The following CCDC171 variants were observed in gnomAD, a reference collection of about 807,000 sequenced individuals.
CCDC171 encodes the protein coiled-coil domain-containing protein 171.
Under a neutral mutation model 168.2 loss-of-function variants are expected in CCDC171, and 177 were observed. The observed-to-expected ratio is 1.05, with a 90% CI of 0.93 to 1.19. The LOEUF (loss-of-function observed/expected upper bound fraction) is 1.19, where lower values mean the gene tolerates loss of function less well. Ranked by LOEUF, CCDC171 falls within the 50% of genes most tolerant of loss-of-function variation. The pLI, the probability that CCDC171 is intolerant of heterozygous loss-of-function variation, is 0.00. For missense variants in CCDC171, 1,991 were observed against 1,539.0 expected (o/e 1.29, Z -4.91); for synonymous variants, 687 against 540.8 (o/e 1.27, Z -3.75).
chr9:15,792,087 C>T (rs996917078), intron 21 of CCDC171, among the ~76,000 whole-genome samples: 6 of 152,090 alleles, frequency 3.9e-5, no homozygotes, highest in East Asian at 1.9e-4. Flanking sequence ...AAAGGTTAGA[C>T]GAATGGCTAA....
intron 21 of CCDC171, among the ~76,000 whole-genome samples, chr9:15,834,836 A>G (rs2060373442): frequency 6.6e-6 from 1 of 152,236 alleles, no homozygotes; most frequent in Non-Finnish European, 1.5e-5. Flanking sequence ...ACTATGATAG[A>G]TGAAACAGGA....
intron 1 of CCDC171, among the ~76,000 whole-genome samples, chr9:15,559,214 T>G (rs889609702): frequency 3.3e-5 from 5 of 152,070 alleles, no homozygotes; most frequent in Non-Finnish European, 7.4e-5. Context: ...ATTCTGTTGA[T>G]TTGGGGTGGA....
the CCDC171 span, among the ~76,000 whole-genome samples, chr9:16,077,444 C>A: frequency 1.3e-5 from 2 of 152,174 alleles, no homozygotes; most frequent in Non-Finnish European, 2.9e-5. Context: ...TTCCCTACTC[C>A]TTGACTTTAG....
rs143279568 is a variant in CCDC171, at chr9:15,623,295, A to C, written c.704A>C (p.His235Pro). Residue 235 changes from histidine (H) to proline (P), a missense_variant, in exon 7 of 26, where the codon CAT (histidine) becomes CCT (proline). Coordinates refer to ENST00000380701, the MANE Select transcript of CCDC171 (RefSeq NM_173550.4). ...CAAGATACTGCTGTGCAAAATATGC[A>C]TAAGAAAGTAGAAAAATTAGAAACA... Reference protein sequence around the residue: ...QEQDTAVQNMHKKVEKLETEH... With the variant: ...QEQDTAVQNMPKKVEKLETEH... 1.3e-6 allele frequency: 2 copies of C among 1,598,130 alleles called. No individual in the cohort carries two copies. The highest frequency in any genetic ancestry group is 1.7e-6 in the Non-Finnish European group (2 of 1,171,552).
rs1297650464 is a variant in CCDC171 at position 15,922,235 on chromosome 9, T to C, written c.3753+1813T>C. Reference sequence around the variant, plus strand: ...TTTAGGAGAATGCTGCCCAATTCCATGTCTTGACAGGATGTGTGCTCTCCT... The same window carrying C: ...TTTAGGAGAATGCTGCCCAATTCCACGTCTTGACAGGATGTGTGCTCTCCT... On this transcript the variant is annotated intron_variant, in intron 25 of 25. Coordinates refer to ENST00000380701, the MANE Select transcript of CCDC171 (RefSeq NM_173550.4). 8 of 342,944 alleles carry C rather than the reference T, an allele frequency of 2.3e-5. No individual in the cohort carries two copies. In the East Asian group the frequency reaches 6.2e-4, roughly 27 times the overall value. The allele number at this position is 342,944 out of a possible 1,614,324, so 21.2% of individuals were successfully genotyped here. A position where few individuals can be genotyped will look rare whatever the true frequency, so the allele number is the denominator to read the frequency against.
intron 9 of CCDC171, among the ~76,000 whole-genome samples, chr9:15,673,809 C>CT: frequency 6.6e-6 from 1 of 152,062 alleles, no homozygotes; most frequent in Non-Finnish European, 1.5e-5. Context: ...CTAAAATTCT[C>CT]TTTTTTTGTT....
chr9:15,969,805 A>G (rs989020802), intron 25 of CCDC171, among the ~76,000 whole-genome samples: 4 of 152,174 alleles, frequency 2.6e-5, no homozygotes, highest in Non-Finnish European at 4.4e-5. Context: ...ATAGCTGCAA[A>G]GTCAATCCAG....
At chr9:15,884,299 A>C (rs1819095202) in intron 24 of CCDC171, among the ~76,000 whole-genome samples, 1 of 152,168 alleles carries the variant, frequency 6.6e-6, no homozygotes, top group Non-Finnish European at 1.5e-5. Flanking sequence ...GAAAGAACTT[A>C]GAAAATTAAA....
At chr9:15,872,458 G>C (rs890586941) in intron 23 of CCDC171, among the ~76,000 whole-genome samples, 1 of 151,958 alleles carries the variant, frequency 6.6e-6, no homozygotes, top group Non-Finnish European at 1.5e-5. Context: ...TCCAGTGCTC[G>C]AACTGTGTTG....
rs200445703 is a variant in CCDC171, at chr9:15,597,068, T to A, written c.675+2896T>A. On this transcript the variant is annotated intron_variant, in intron 6 of 25. Coordinates refer to ENST00000380701, the MANE Select transcript of CCDC171 (RefSeq NM_173550.4). ...GGGCTGAGACGATGGGGTTTTCTAG[T>A]TATACAATCATGTCATCTGCAAACA... is the stretch of plus-strand genomic sequence containing the variant. Among the ~76,000 whole-genome samples, 142 of 152,098 alleles carry A rather than the reference T, an allele frequency of 9.3e-4. 1 individual carries two copies. The highest frequency in any genetic ancestry group is 2.9e-3 in the African/African-American group (120 of 41,504).
At position 15,678,851 on chromosome 9, in the gene CCDC171, G is replaced by A; in HGVS notation, c.1170G>A (p.Gln390=). 1 of 1,594,128 alleles carries A rather than the reference G, an allele frequency of 6.3e-7. No individual in the cohort carries two copies. The highest frequency in any genetic ancestry group is 8.5e-7 in the Non-Finnish European group (1 of 1,172,428). ...KVIIDLSKRL[Q]YNEKSCSELQ... Reference sequence around the variant, plus strand: ...TTATAGACCTTTCAAAGAGACTCCAGTATAATGAAAAAAGTTGCAGTGAAT... The same window carrying A: ...TTATAGACCTTTCAAAGAGACTCCAATATAATGAAAAAAGTTGCAGTGAAT... Residue 390 remains glutamine (Q), a synonymous_variant, in exon 10 of 26, where the codon CAG becomes CAA. Transcript: ENST00000380701.
chr9:15,782,136 C>T (rs1335547005), intron 20 of CCDC171, among the ~76,000 whole-genome samples: 1 of 152,178 alleles, frequency 6.6e-6, no homozygotes, highest in African/African-American at 2.4e-5. Context: ...AACCATTTGT[C>T]TCTCGCTCAT....
chr9:15,558,078 G>T (rs1325527092), intron 1 of CCDC171, among the ~76,000 whole-genome samples: 1 of 152,146 alleles, frequency 6.6e-6, no homozygotes, highest in Non-Finnish European at 1.5e-5. Flanking sequence ...TTCCATCCCA[G>T]GGATGAAGCC....
intron 10 of CCDC171, among the ~76,000 whole-genome samples, chr9:15,687,697 A>G (rs545287755): frequency 6.6e-6 from 1 of 152,374 alleles, no homozygotes; most frequent in Admixed American, 6.5e-5. Flanking sequence ...AAAGGGGGAT[A>G]TAACTACTGA....
chr9:16,093,070 T>G, the CCDC171 span, among the ~76,000 whole-genome samples: 1 of 152,184 alleles, frequency 6.6e-6, no homozygotes, highest in Non-Finnish European at 1.5e-5. Context: ...CGGTTTCATT[T>G]TCAAAGCAGG....
intron 23 of CCDC171, among the ~76,000 whole-genome samples, chr9:15,871,812 T>G (rs1433932930): frequency 6.6e-6 from 1 of 151,958 alleles, no homozygotes; most frequent in Non-Finnish European, 1.5e-5. Context: ...CCGTTTCTTG[T>G]CATCTTTCTT....
chr9:15,685,446 G>A (rs112394978), intron 10 of CCDC171, among the ~76,000 whole-genome samples: 3,925 of 152,048 alleles, frequency 0.026, 164 homozygotes, highest in African/African-American at 0.09. Context: ...AGCAACAAAC[G>A]TAGTGAGACT....
intron 7 of CCDC171, among the ~76,000 whole-genome samples, chr9:15,648,439 G>A (rs1483109667): frequency 1.3e-5 from 2 of 152,168 alleles, no homozygotes; most frequent in Non-Finnish European, 2.9e-5. Context: ...ATTCAATGAG[G>A]AAAAGAGGAA....
intron 21 of CCDC171, among the ~76,000 whole-genome samples, chr9:15,803,472 C>G (rs150047735): frequency 4.0e-3 from 606 of 152,058 alleles, no homozygotes; most frequent in Middle Eastern, 6.8e-3. Context: ...TTTCAATTTT[C>G]TGCATATGGC....
Sources: gnomAD v4.1 joint callset for allele counts (sites outside exome capture counted in the v4.1 genomes callset) on GRCh38, gnomAD v4.1.1 for gene constraint, MANE v1.5 for transcripts, NCBI Gene and HGNC (gene_info 2026-07-23, HGNC 2026-07-21) for gene names.